The following DCC variants were observed in gnomAD, a reference collection of about 807,000 sequenced individuals.
DCC encodes netrin receptor DCC.
DCC carries 58 observed loss-of-function variants against 172.5 expected under a neutral mutation model. The observed-to-expected ratio is 0.34, with a 90% CI of 0.27 to 0.42. DCC has a LOEUF of 0.42. Ranked by LOEUF, DCC falls within the 10% of genes least tolerant of loss-of-function variation. The probability of loss-of-function intolerance (pLI) is 1.00; values close to 1 mark genes in which losing one functional copy is unlikely to be tolerated. For synonymous variants in DCC, 709 were observed against 644.5 expected (o/e 1.10, Z -1.52); for missense variants, 1,740 against 1,791.0 (o/e 0.97, Z 0.51).
chr18:52,432,637 G>C (rs1178906539), intron 1 of DCC, among the ~76,000 whole-genome samples: 2 of 152,088 alleles, frequency 1.3e-5, no homozygotes, highest in African/African-American at 2.4e-5. Flanking sequence ...TTGCATAAAT[G>C]GTTCTTTAAT....
At chr18:53,457,155 C>T (rs1165610301) in intron 23 of DCC, among the ~76,000 whole-genome samples, 1 of 152,162 alleles carries the variant, frequency 6.6e-6, no homozygotes, top group Non-Finnish European at 1.5e-5. Context: ...GATTAAAATC[C>T]AGCAGAAAAA....
In DCC at chr18:52,877,563, C is replaced by T. The variant is rs2039422163; in HGVS notation, c.413-28481C>T. On this transcript the variant is annotated intron_variant, in intron 2 of 28. Coordinates refer to ENST00000442544, the MANE Select transcript of DCC (RefSeq NM_005215.4). ...CTCTATAAAAAATACAAAAATTAGC[C>T]AGGCATGGTGGTGTGCACCTTTAAT... Among the ~76,000 whole-genome samples the T allele has an allele frequency of 2.0e-5, 3 of 152,000 alleles. No individual in the cohort carries two copies. In the South Asian group the frequency reaches 6.2e-4, roughly 32 times the overall value.
chr18:53,325,525 C>G (rs1568057629), intron 14 of DCC, among the ~76,000 whole-genome samples: 1 of 152,150 alleles, frequency 6.6e-6, no homozygotes, highest in African/African-American at 2.4e-5. Flanking sequence ...ATAAAGTCAC[C>G]ACTTATTAGA....
chr18:52,416,434 C>T (rs1004380224), intron 1 of DCC, among the ~76,000 whole-genome samples: 5 of 152,018 alleles, frequency 3.3e-5, no homozygotes, highest in Admixed American at 2.0e-4. Context: ...TTCTTGTTAA[C>T]TTTCTGTCTC....
intron 2 of DCC, among the ~76,000 whole-genome samples, chr18:52,766,711 TCTTTACAGGCA>T (rs2037258226): frequency 1.3e-5 from 2 of 151,946 alleles, no homozygotes; most frequent in African/African-American, 2.4e-5. Flanking sequence ...GAGTATGGGG[TCTTTACAGGCA>T]CATGATGAGA....
intron 1 of DCC, among the ~76,000 whole-genome samples, chr18:52,412,087 T>C (rs549638819): frequency 6.9e-4 from 105 of 152,254 alleles, no homozygotes; most frequent in African/African-American, 2.4e-3. Flanking sequence ...ATTAATATAA[T>C]AGCACTTATA....
chr18:53,391,720 T>C lies in DCC; in HGVS notation c.2521T>C (p.Ser841Pro). 1 of 1,614,146 alleles carries C rather than the reference T, an allele frequency of 6.2e-7. No homozygotes were observed. Among genetic ancestry groups the C allele is most frequent in the Non-Finnish European group, 8.5e-7 (1 of 1,180,004 alleles). The change falls in exon 17 of 29, where the codon TCC becomes CCC. Residue 841 changes from serine to proline, a missense_variant. By Grantham distance (74) the Ser-to-Pro change is moderately conservative (BLOSUM62 -1). Around this residue, in one of 2 missense-constraint regions of DCC, gnomAD observed 1,732 missense variants for 1,767.4 expected, o/e 0.98. Coordinates refer to ENST00000442544, the MANE Select transcript of DCC (RefSeq NM_005215.4). ...TTTCCCCACCTCGGTCCCAGATCTC[T>C]CCACCCCCATGCTCCCACCAGTAGG... Reference protein sequence around the residue: ...DDFPTSVPDLSTPMLPPVGVQ... With the variant: ...DDFPTSVPDLPTPMLPPVGVQ...
chr18:53,171,024 A>G (rs1295964475), intron 8 of DCC, among the ~76,000 whole-genome samples: 1 of 152,164 alleles, frequency 6.6e-6, no homozygotes, highest in East Asian at 1.9e-4. Context: ...AGCTAGAATT[A>G]CAGGCTCATG....
intron 1 of DCC, among the ~76,000 whole-genome samples, chr18:52,384,032 T>C (rs968187287): frequency 3.2e-5 from 4 of 125,504 alleles, no homozygotes; most frequent in African/African-American, 1.0e-4. Flanking sequence ...GTTTACATTA[T>C]TTTTAATATA....
chr18:53,403,926 C>T (rs1004146274), intron 19 of DCC, among the ~76,000 whole-genome samples: 1 of 152,134 alleles, frequency 6.6e-6, no homozygotes, highest in Non-Finnish European at 1.5e-5. Context: ...TAGGAAATTG[C>T]TCTTAGCACA....
intron 22 of DCC, among the ~76,000 whole-genome samples, chr18:53,450,203 T>C (rs1447193470): frequency 6.6e-6 from 1 of 151,524 alleles, no homozygotes; most frequent in African/African-American, 2.4e-5. Context: ...ACACCACACA[T>C]TTGTTTATTC....
At chr18:52,367,519 A>T (rs1005668216) in intron 1 of DCC, among the ~76,000 whole-genome samples, 2 of 152,166 alleles carry the variant, frequency 1.3e-5, no homozygotes, top group Admixed American at 6.5e-5. Flanking sequence ...GGGAGATTTG[A>T]TCTAATCTCA....
At chr18:53,272,189 G>T (rs573486562) in intron 12 of DCC, among the ~76,000 whole-genome samples, 5 of 152,234 alleles carry the variant, frequency 3.3e-5, no homozygotes, top group Admixed American at 6.5e-5. Context: ...GTACATGTCT[G>T]TTTAGCTGAG....
chr18:52,980,465 C>G (rs1319181577), intron 5 of DCC, among the ~76,000 whole-genome samples: 1 of 151,842 alleles, frequency 6.6e-6, no homozygotes, highest in Non-Finnish European at 1.5e-5. Context: ...TCTTTTCTTT[C>G]TTTGTTTTAT....
intron 12 of DCC, among the ~76,000 whole-genome samples, chr18:53,222,643 C>T (rs995731868): frequency 6.6e-6 from 1 of 150,578 alleles, no homozygotes; most frequent in African/African-American, 2.5e-5. Flanking sequence ...GCCTCGGCCT[C>T]CCAAAATGCT....
At chr18:53,180,606 A>G (rs1053008350) in intron 9 of DCC, among the ~76,000 whole-genome samples, 2 of 152,160 alleles carry the variant, frequency 1.3e-5, no homozygotes, top group Admixed American at 6.6e-5. Context: ...TACTGATTTA[A>G]ATCACTAAAC....
At chr18:52,834,312 G>T (rs1261880000) in intron 2 of DCC, among the ~76,000 whole-genome samples, 1 of 152,208 alleles carries the variant, frequency 6.6e-6, no homozygotes, top group African/African-American at 2.4e-5. Context: ...AATAAGGATT[G>T]TAGTGGTGAT....
At chr18:52,856,363 C>T (rs1440227853) in intron 2 of DCC, among the ~76,000 whole-genome samples, 10 of 151,800 alleles carry the variant, frequency 6.6e-5, no homozygotes, top group African/African-American at 1.4e-4. Context: ...CGGTGGCTCA[C>T]GCCTGTAATC....
At chr18:53,237,329 G>A (rs2056221420) in intron 12 of DCC, 1 of 152,870 alleles carries the variant, frequency 6.5e-6, no homozygotes, top group Admixed American at 6.6e-5. Flanking sequence ...CTATCTGCCA[G>A]TATTCTGCAA....
Sources: gnomAD v4.1 joint callset for allele counts (sites outside exome capture counted in the v4.1 genomes callset) on GRCh38, gnomAD v4.1.1 for gene constraint, gnomAD v4.1.1 regional missense constraint, MANE v1.5 for transcripts, NCBI Gene and HGNC (gene_info 2026-07-23, HGNC 2026-07-21) for gene names.